Variants in DNER observed in about 807,000 individuals in gnomAD.
DNER encodes delta and Notch-like epidermal growth factor-related receptor.
Under a neutral mutation model 78.2 loss-of-function variants are expected in DNER, and 33 were observed. The ratio of observed to expected loss-of-function variants is 0.42; its 90% CI spans 0.32 to 0.56. DNER has a LOEUF of 0.56. Ranked by LOEUF, DNER falls within the 20% of genes least tolerant of loss-of-function variation. The pLI is 0.11. For missense variants in DNER, 918 were observed against 975.3 expected, an observed-to-expected ratio of 0.94 and a Z score of 0.78; for synonymous variants, 417 against 384.8, an observed-to-expected ratio of 1.08 and a Z score of -0.98.
chr2:229,714,204 C>T lies in DNER; in HGVS notation c.220G>A (p.Gly74Ser), dbSNP rs1224702932. 2.9e-6 allele frequency: 4 copies of T among 1,380,822 alleles called. No homozygotes were observed. Among genetic ancestry groups the T allele is most frequent in the Middle Eastern group, 2.6e-4 (1 of 3,788 alleles). The allele number at this position is 1,380,822 out of a possible 1,614,324, so 85.5% of individuals were successfully genotyped here. ...EPDPQHPAPAGEPGYSCTCPA... is the reference protein window; with the variant it reads ...EPDPQHPAPASEPGYSCTCPA... The stretch of plus-strand genomic sequence containing the variant: ...CAGGTGCAGCTGTAGCCAGGCTCGC[C>T]GGCGGGGGCCGGGTGCTGCGGGTCC... Residue 74 changes from glycine (G) to serine (S), a missense_variant, in exon 1 of 13, where the codon GGC (glycine) becomes AGC (serine). Coordinates refer to ENST00000341772, the MANE Select transcript of DNER (RefSeq NM_139072.4).
intron 1 of DNER, among the ~76,000 whole-genome samples, chr2:229,665,949 A>G (rs1482910219): frequency 6.6e-6 from 1 of 152,232 alleles, no homozygotes; most frequent in Non-Finnish European, 1.5e-5. Flanking sequence ...TGCATGCCAG[A>G]TAAATATTCT....
At chr2:229,488,252 C>T (rs1051206300) in intron 6 of DNER, among the ~76,000 whole-genome samples, 1 of 152,220 alleles carries the variant, frequency 6.6e-6, no homozygotes, top group Non-Finnish European at 1.5e-5. Flanking sequence ...TTAGAGGCTA[C>T]AAAGAAGTGC....
intron 1 of DNER, among the ~76,000 whole-genome samples, chr2:229,624,016 G>C (rs1698295179): frequency 6.6e-6 from 1 of 152,190 alleles, no homozygotes; most frequent in Admixed American, 6.5e-5. Context: ...GGTTGGAATG[G>C]ACTTTAAAAG....
At chr2:229,679,998 A>G (rs916543082) in intron 1 of DNER, among the ~76,000 whole-genome samples, 3 of 152,212 alleles carry the variant, frequency 2.0e-5, no homozygotes, top group South Asian at 2.1e-4. Context: ...GAAAAAGGCT[A>G]TAAAAGTTGG....
Position 229,631,949 on chromosome 2 carries a change from G to A in DNER, c.277-40061C>T, listed in dbSNP as rs1698439752. The stretch of plus-strand genomic sequence containing the variant: ...GTCAGCGAGAATTATTTCCATTATG[G>A]TCACTCTTATTACTAATTCTATATC... On this transcript the variant is annotated intron_variant, in intron 1 of 12. Coordinates refer to ENST00000341772, the MANE Select transcript of DNER (RefSeq NM_139072.4). Among the ~76,000 whole-genome samples the A allele has an allele frequency of 2.6e-5, 4 of 152,276 alleles. No homozygotes were observed. The South Asian group carries it at 6.2e-4, about 24-fold the overall frequency.
intron 7 of DNER, among the ~76,000 whole-genome samples, chr2:229,470,518 T>C (rs1361732079): frequency 6.6e-6 from 1 of 150,784 alleles, no homozygotes; most frequent in Non-Finnish European, 1.5e-5. Context: ...AATAATTCAG[T>C]TGTAAAGCAA....
chr2:229,575,397 T>C (rs1408453136), intron 4 of DNER, among the ~76,000 whole-genome samples: 2 of 152,222 alleles, frequency 1.3e-5, no homozygotes, highest in Admixed American at 1.3e-4. Context: ...ACAGTGCCCT[T>C]CCACATGGAC....
At chr2:229,677,420 T>C (rs577491559) in intron 1 of DNER, among the ~76,000 whole-genome samples, 1 of 152,264 alleles carries the variant, frequency 6.6e-6, no homozygotes, top group African/African-American at 2.4e-5. Flanking sequence ...ATTTCAAGGG[T>C]GTTTTTAAGG....
At chr2:229,506,668 C>T (rs577393073) in intron 6 of DNER, among the ~76,000 whole-genome samples, 1 of 148,582 alleles carries the variant, frequency 6.7e-6, no homozygotes, top group Non-Finnish European at 1.5e-5. Context: ...ATCCCTCCCC[C>T]CTCCCCCTAC....
Position 229,367,888 on chromosome 2 carries a change from T to A in DNER, c.1856-769A>T, listed in dbSNP as rs544486565. Among the ~76,000 whole-genome samples the A allele has an allele frequency of 4.3e-4, 66 of 152,350 alleles. 1 individual carries two copies. The highest frequency in any genetic ancestry group is 1.5e-3 in the African/African-American group (64 of 41,590). ...CTGGGGAAGTAGCTCAGGAAATGCATAAAGCCTTATGTGTGAAGATGCTTA... is the reference window on the plus strand; with the variant it reads ...CTGGGGAAGTAGCTCAGGAAATGCAAAAAGCCTTATGTGTGAAGATGCTTA... On this transcript the variant is annotated intron_variant, in intron 11 of 12. Coordinates refer to ENST00000341772, the MANE Select transcript of DNER (RefSeq NM_139072.4).
chr2:229,694,136 T>C (rs1699626647), intron 1 of DNER, among the ~76,000 whole-genome samples: 1 of 152,182 alleles, frequency 6.6e-6, no homozygotes, highest in South Asian at 2.1e-4. Flanking sequence ...GCCCCAAGCC[T>C]TGGTGGCTTA....
At chr2:229,699,982 C>G (rs535257254) in intron 1 of DNER, among the ~76,000 whole-genome samples, 63 of 151,948 alleles carry the variant, frequency 4.1e-4, no homozygotes, top group African/African-American at 1.5e-3. Flanking sequence ...TTTAATTTCC[C>G]TCATTAACAA....
chr2:229,395,376 T>G (rs948423426), intron 10 of DNER, among the ~76,000 whole-genome samples: 3 of 152,208 alleles, frequency 2.0e-5, no homozygotes, highest in Non-Finnish European at 2.9e-5. Context: ...GATGGGCTGA[T>G]CACAGAGTGG....
At chr2:229,408,182 T>C (rs1693431522) in intron 9 of DNER, among the ~76,000 whole-genome samples, 1 of 152,212 alleles carries the variant, frequency 6.6e-6, no homozygotes, top group South Asian at 2.1e-4. Flanking sequence ...TGTGCATGTA[T>C]GTACGCAAAT....
chr2:229,406,478 T>G (rs1447841263), intron 10 of DNER, among the ~76,000 whole-genome samples: 1 of 152,166 alleles, frequency 6.6e-6, no homozygotes, highest in Non-Finnish European at 1.5e-5. Context: ...TCACCTGTAC[T>G]TTATCTGCCT....
chr2:229,396,118 C>T (rs997534504), intron 10 of DNER, among the ~76,000 whole-genome samples: 2 of 152,160 alleles, frequency 1.3e-5, no homozygotes, highest in African/African-American at 2.4e-5. Context: ...AATAAAAAAT[C>T]TTATAAATCT....
intron 7 of DNER, among the ~76,000 whole-genome samples, chr2:229,456,528 C>T (rs1405949410): frequency 6.6e-6 from 1 of 151,930 alleles, no homozygotes; most frequent in Non-Finnish European, 1.5e-5. Flanking sequence ...TAACATCCAT[C>T]TCTCCACTTC....
chr2:229,404,236 AT>A (rs1358007516), intron 10 of DNER, among the ~76,000 whole-genome samples: 4 of 152,180 alleles, frequency 2.6e-5, no homozygotes, highest in Non-Finnish European at 4.4e-5. Context: ...TGCTATGAAG[AT>A]ACTACCCAAG....
Position 229,516,904 on chromosome 2 carries a change from G to A in DNER, c.994-3968C>T, listed in dbSNP as rs534089376. On this transcript the variant is annotated intron_variant, in intron 5 of 12. Coordinates refer to ENST00000341772, the MANE Select transcript of DNER (RefSeq NM_139072.4). ...GGGCGGATCACAAGGTCAAGAGATC[G>A]AGACCATCCTGGCCAACATGGTGAA... Among the ~76,000 whole-genome samples the A allele has an allele frequency of 1.5e-4, 22 of 151,092 alleles. No homozygotes were observed. The East Asian group carries it at 3.1e-3, about 21-fold the overall frequency.
Sources: gnomAD v4.1 joint callset for allele counts (sites outside exome capture counted in the v4.1 genomes callset) on GRCh38, gnomAD v4.1.1 for gene constraint, MANE v1.5 for transcripts, NCBI Gene and HGNC (gene_info 2026-07-23, HGNC 2026-07-21) for gene names.